The following CCNY variants were observed in gnomAD, a reference collection of about 807,000 sequenced individuals.
CCNY encodes cyclin Y, also known as cyclin-Y.
A neutral mutation model predicts 42.8 loss-of-function variants in CCNY; 19 were observed. The observed-to-expected ratio is 0.44, with a 90% confidence interval of 0.31 to 0.65. The LOEUF (loss-of-function observed/expected upper bound fraction) is 0.65, where lower values mean the gene tolerates loss of function less well. Among genes scored for constraint, CCNY ranks in the 30% least tolerant of loss-of-function variants. CCNY has a pLI of 0.07. For missense variants in CCNY, 370 were observed against 437.3 expected (o/e 0.85, Z 1.37); for synonymous variants, 165 against 162.7 (o/e 1.01, Z -0.11).
At position 35,377,969 on chromosome 10, in the gene CCNY, G is replaced by A. The variant is rs118054201; in HGVS notation, c.154+40762G>A. 1.3e-3 allele frequency among the ~76,000 whole-genome samples: 191 copies of A among 152,242 alleles called. 1 individual carries two copies. In the East Asian group the frequency reaches 0.026, roughly 21 times the overall value. ...AATTCAGCCTTACACAGATGTGATTGGAAAAGAAAGGAGTATTGTTTTATG... is the reference window on the plus strand; with the variant it reads ...AATTCAGCCTTACACAGATGTGATTAGAAAAGAAAGGAGTATTGTTTTATG... On this transcript the variant is annotated intron_variant, in intron 1 of 9. Transcript: ENST00000374704.
intron 2 of CCNY, among the ~76,000 whole-genome samples, chr10:35,498,728 C>T (rs1840051339): frequency 6.6e-6 from 1 of 152,148 alleles, no homozygotes; most frequent in African/African-American, 2.4e-5. Context: ...GCAAGTCGGC[C>T]ATAGAGATGC....
At chr10:35,493,004 G>A in intron 2 of CCNY, among the ~76,000 whole-genome samples, 1 of 152,024 alleles carries the variant, frequency 6.6e-6, no homozygotes, top group East Asian at 1.9e-4. Flanking sequence ...GGGGGGGGGA[G>A]GGCAGGTATC....
At chr10:35,466,916 G>A (rs552406239) in intron 1 of CCNY, among the ~76,000 whole-genome samples, 1 of 152,188 alleles carries the variant, frequency 6.6e-6, no homozygotes, top group African/African-American at 2.4e-5. Context: ...GGGACTAGAC[G>A]CCTGCACCAG....
chr10:35,372,148 T>C (rs533004637), intron 1 of CCNY, among the ~76,000 whole-genome samples: 3 of 152,180 alleles, frequency 2.0e-5, no homozygotes, highest in East Asian at 1.9e-4. Context: ...AGGGAGAGAT[T>C]CAAAATAATG....
chr10:35,435,103 GGATTTCAT>G (rs1408040729), intron 1 of CCNY, among the ~76,000 whole-genome samples: 1 of 152,166 alleles, frequency 6.6e-6, no homozygotes, highest in Non-Finnish European at 1.5e-5. Flanking sequence ...ATCAACATGT[GGATTTCAT>G]GAGTCTGAGA....
chr10:35,503,677 A>C (rs1038180321), intron 3 of CCNY, among the ~76,000 whole-genome samples: 1 of 152,202 alleles, frequency 6.6e-6, no homozygotes, highest in Non-Finnish European at 1.5e-5. Flanking sequence ...AATTGGTTTA[A>C]TGGACTCATT....
intron 9 of CCNY, among the ~76,000 whole-genome samples, chr10:35,568,022 C>T (rs966199932): frequency 2.6e-5 from 4 of 152,208 alleles, no homozygotes; most frequent in Admixed American, 1.3e-4. Flanking sequence ...GTGCTGTGGT[C>T]CCTGGTCCCC....
chr10:35,323,214 C>A lies in CCNY; in HGVS notation c.-9+72588C>A, dbSNP rs1241451139. 2.0e-5 allele frequency among the ~76,000 whole-genome samples: 3 copies of A among 152,184 alleles called. No homozygotes were observed. In the East Asian group the frequency reaches 5.8e-4, roughly 29 times the overall value. ...AAATTGCTAAGATTACAGGCATGAG[C>A]CACCGCACTCGGCTGCCATTTCTTT... On this transcript the variant is annotated intron_variant, in intron 3 of 11. Coordinates refer to the CCNY transcript ENST00000374706.
chr10:35,480,416 C>A (rs915954727), intron 1 of CCNY, among the ~76,000 whole-genome samples: 2 of 152,072 alleles, frequency 1.3e-5, no homozygotes, highest in African/African-American at 2.4e-5. Context: ...CGGAGAGGCA[C>A]GGGCTGCTGG....
intron 2 of CCNY, among the ~76,000 whole-genome samples, chr10:35,493,690 C>T (rs1357254373): frequency 6.6e-6 from 1 of 152,214 alleles, no homozygotes; most frequent in Admixed American, 6.5e-5. Flanking sequence ...AATCTTGGTG[C>T]ATATGATCCA....
At chr10:35,298,541 G>A (rs563866547) in intron 3 of CCNY, among the ~76,000 whole-genome samples, 1 of 152,200 alleles carries the variant, frequency 6.6e-6, no homozygotes, top group African/African-American at 2.4e-5. Flanking sequence ...ACAGAGACAG[G>A]GTCTTGCTCT....
chr10:35,312,562 C>G (rs996107975), intron 3 of CCNY, among the ~76,000 whole-genome samples: 2 of 151,644 alleles, frequency 1.3e-5, no homozygotes, highest in African/African-American at 4.8e-5. Flanking sequence ...GTGAGGGTAC[C>G]AAGTCATTCT....
rs11451104 is a variant in CCNY, at chr10:35,514,075, CAA to C, written c.265-2427_265-2426del. ...CCACCACACCCTGAGAGGACCAGTT[CAA>C]AAAAAAAAAAAAAAAAAAAACAGAG... On this transcript the variant is annotated intron_variant, in intron 3 of 9. Transcript: ENST00000374704. 6.8e-3 allele frequency among the ~76,000 whole-genome samples: 521 copies of C among 76,144 alleles called. 2 individuals are homozygous for C. Among genetic ancestry groups the C allele is most frequent in the African/African-American group, 0.022 (453 of 20,150 alleles). 50.0% of individuals were successfully genotyped at this position (76,144 alleles called of 152,430 possible).
rs1252835080 is a variant in CCNY at position 35,571,337 on chromosome 10, A to G, written c.*2167A>G. ...CTACTTTAAAAAAATTGTATAGTCT[A>G]TTTATTGTATGTATGTACATACAGT... is the stretch of plus-strand genomic sequence containing the variant. On this transcript the variant is annotated 3_prime_UTR_variant, in exon 10 of 10. Transcript: ENST00000374704. The G allele has an allele frequency of 3.9e-5, 6 of 152,328 alleles. No individual in the cohort carries two copies. The highest frequency in any genetic ancestry group is 8.8e-5 in the Non-Finnish European group (6 of 68,022). The allele number at this position is 152,328 out of a possible 1,614,324, so 9.4% of individuals were successfully genotyped here.
In CCNY at chr10:35,467,161, G is replaced by C. The variant is rs187485376; in HGVS notation, c.155-16243G>C. 3.3e-3 allele frequency among the ~76,000 whole-genome samples: 500 copies of C among 152,276 alleles called. 2 individuals are homozygous for C. Among genetic ancestry groups the C allele is most frequent in the Admixed American group, 4.6e-3 (71 of 15,298 alleles). On this transcript the variant is annotated intron_variant, in intron 1 of 9. Transcript: ENST00000374704. ...TATGTACAGATGAGTATATACGTGAGTAGAATGTATTTCTATACATTATAG... is the reference window on the plus strand; with the variant it reads ...TATGTACAGATGAGTATATACGTGACTAGAATGTATTTCTATACATTATAG...
Position 35,549,697 on chromosome 10 carries a change from T to C in CCNY, c.580-3322T>C, listed in dbSNP as rs7893543. Reference sequence around the variant, plus strand: ...GTTCGTGACCCTGCGCTGCTCATGGTCCGTGACCCTACACTGCTTGTGACC... The same window carrying C: ...GTTCGTGACCCTGCGCTGCTCATGGCCCGTGACCCTACACTGCTTGTGACC... On this transcript the variant is annotated intron_variant, in intron 7 of 9. Coordinates refer to ENST00000374704, the MANE Select transcript of CCNY (RefSeq NM_145012.6). 6.5e-4 allele frequency among the ~76,000 whole-genome samples: 46 copies of C among 70,994 alleles called. 1 individual carries two copies. The highest frequency in any genetic ancestry group is 1.1e-3 in the South Asian group (2 of 1,858). The allele number at this position is 70,994 out of a possible 152,430, so 46.6% of individuals were successfully genotyped here.
chr10:35,537,245 A>T (rs1840904934), intron 7 of CCNY, among the ~76,000 whole-genome samples: 1 of 152,178 alleles, frequency 6.6e-6, no homozygotes, highest in African/African-American at 2.4e-5. Flanking sequence ...ATTTCAGAAG[A>T]TGTATGGAAA....
intron 3 of CCNY, among the ~76,000 whole-genome samples, chr10:35,312,120 G>A (rs1054797392): frequency 3.3e-5 from 5 of 152,124 alleles, no homozygotes; most frequent in Non-Finnish European, 5.9e-5. Context: ...GCTCACACCT[G>A]TAATCCCAGC....
chr10:35,470,206 GAGACAGGGAGTTGGAGAGAC>G lies in CCNY; in HGVS notation c.155-13187_155-13168del, dbSNP rs1317251019. The stretch of plus-strand genomic sequence containing the variant: ...AGGGAAACAGAGATAGGGCAATGGA[GAGACAGGGAGTTGGAGAGAC>G]AGACAGGGAGATGGAGAGACAGACA... On this transcript the variant is annotated intron_variant, in intron 1 of 9. Coordinates refer to ENST00000374704, the MANE Select transcript of CCNY (RefSeq NM_145012.6). 4.0e-5 allele frequency among the ~76,000 whole-genome samples: 6 copies of G among 151,518 alleles called. No individual in the cohort carries two copies. The East Asian group carries it at 5.9e-4, about 15-fold the overall frequency.
Sources: gnomAD v4.1 joint callset for allele counts (sites outside exome capture counted in the v4.1 genomes callset) on GRCh38, gnomAD v4.1.1 for gene constraint, MANE v1.5 for transcripts, NCBI Gene and HGNC (gene_info 2026-07-23, HGNC 2026-07-21) for gene names.